AMPH: variants seen among roughly 807,000 people sequenced by gnomAD.
The protein encoded by AMPH is amphiphysin (Stiff-Mann syndrome with breast cancer 128kD autoantigen).
Under a neutral mutation model 99.1 loss-of-function variants are expected in AMPH, and 49 were observed. That is an observed-to-expected ratio of 0.49 (90% CI 0.39 to 0.63). AMPH has a LOEUF of 0.63. Among genes scored for constraint, AMPH ranks in the 20% least tolerant of loss-of-function variants. The probability of loss-of-function intolerance (pLI) is 0.00; values close to 1 mark genes in which losing one functional copy is unlikely to be tolerated. For missense variants in AMPH, 759 were observed against 863.4 expected (o/e 0.88, Z 1.52); for synonymous variants, 314 against 317.3 (o/e 0.99, Z 0.11).
At chr7:38,423,701 A>G (rs1785677639) in intron 15 of AMPH, among the ~76,000 whole-genome samples, 1 of 152,216 alleles carries the variant, frequency 6.6e-6, no homozygotes, top group East Asian at 1.9e-4. Flanking sequence ...AATCAGTCCG[A>G]TTTGTTCCTT....
chr7:38,543,962 T>C (rs967446391), intron 1 of AMPH, among the ~76,000 whole-genome samples: 1 of 152,212 alleles, frequency 6.6e-6, no homozygotes, highest in Admixed American at 6.5e-5. Context: ...CAATGATTAA[T>C]TTTTTACTCA....
chr7:38,577,468 C>A (rs560956917), intron 1 of AMPH, among the ~76,000 whole-genome samples: 33 of 152,302 alleles, frequency 2.2e-4, no homozygotes, highest in African/African-American at 7.5e-4. Flanking sequence ...TATTCCCTTG[C>A]GAGTTTGATT....
chr7:38,385,324 C>T (rs1784322243), intron 20 of AMPH, among the ~76,000 whole-genome samples: 1 of 152,120 alleles, frequency 6.6e-6, no homozygotes, highest in South Asian at 2.1e-4. Flanking sequence ...AAGAGCATGA[C>T]CTGTTCTGGG....
intron 5 of AMPH, 80 bp from the exon 6 acceptor site, chr7:38,477,049 T>G (rs1788113831): frequency 8.0e-7 from 1 of 1,247,288 alleles, no homozygotes; most frequent in African/African-American, 1.5e-5. Context: ...CCAAAATGCT[T>G]TCCTTGGCCA....
intron 1 of AMPH, among the ~76,000 whole-genome samples, chr7:38,572,564 G>A (rs1262828062): frequency 3.3e-5 from 5 of 152,300 alleles, no homozygotes; most frequent in African/African-American, 1.2e-4. Context: ...GTGGAAGGCT[G>A]TTCCCATATC....
intron 20 of AMPH, among the ~76,000 whole-genome samples, chr7:38,387,203 T>C (rs1308685232): frequency 2.0e-5 from 3 of 152,258 alleles, no homozygotes; most frequent in Non-Finnish European, 4.4e-5. Flanking sequence ...TTACCACGTA[T>C]GGTCTACCTA....
intron 1 of AMPH, among the ~76,000 whole-genome samples, chr7:38,607,536 T>G (rs1793476331): frequency 6.6e-6 from 1 of 152,170 alleles, no homozygotes; most frequent in African/African-American, 2.4e-5. Flanking sequence ...GACAGACCCC[T>G]TCAGGGACCT....
At chr7:38,503,787 C>A in intron 2 of AMPH, 83 bp from the exon 3 acceptor site, 1 of 1,380,312 alleles carries the variant, frequency 7.2e-7, no homozygotes. Context: ...CTCAAAGTTA[C>A]TATTGCCAGA....
intron 20 of AMPH, among the ~76,000 whole-genome samples, chr7:38,385,351 G>C (rs762998311): frequency 3.7e-4 from 56 of 152,114 alleles, no homozygotes; most frequent in Non-Finnish European, 1.6e-4. Flanking sequence ...GTGTAAAAAA[G>C]GTTTGAGGTT....
intron 1 of AMPH, among the ~76,000 whole-genome samples, chr7:38,583,268 T>C (rs962220377): frequency 1.2e-4 from 18 of 152,222 alleles, no homozygotes; most frequent in Admixed American, 9.2e-4. Context: ...GGCAACATAC[T>C]TGACACCTCT....
chr7:38,627,516 G>T (rs571911369), intron 1 of AMPH, among the ~76,000 whole-genome samples: 13 of 151,638 alleles, frequency 8.6e-5, no homozygotes, highest in Admixed American at 3.9e-4. Context: ...TTAGCCAAGC[G>T]TGGTGGTGGG....
intron 15 of AMPH, among the ~76,000 whole-genome samples, chr7:38,425,469 C>A (rs531391012): frequency 1.7e-4 from 26 of 152,264 alleles, no homozygotes; most frequent in South Asian, 4.1e-4. Flanking sequence ...ATAAATTAGA[C>A]CCACAATTTT....
intron 2 of AMPH, among the ~76,000 whole-genome samples, chr7:38,519,810 G>A (rs961823825): frequency 3.3e-5 from 5 of 152,084 alleles, no homozygotes; most frequent in Non-Finnish European, 5.9e-5. Context: ...AAAGAGGGGT[G>A]TTGACAAATG....
At chr7:38,485,787 CAATAA>C (rs1238610314) in intron 5 of AMPH, among the ~76,000 whole-genome samples, 7 of 151,710 alleles carry the variant, frequency 4.6e-5, no homozygotes, top group Admixed American at 3.3e-4. Context: ...TTTCCAACCA[CAATAA>C]AATAAACTAG....
chr7:38,624,822 A>T (rs1363759112), intron 1 of AMPH, among the ~76,000 whole-genome samples: 2 of 152,192 alleles, frequency 1.3e-5, no homozygotes, highest in African/African-American at 2.4e-5. Flanking sequence ...GGAATAAAAA[A>T]TTATGAACAT....
At chr7:38,521,301 C>A (rs1789948365) in intron 2 of AMPH, among the ~76,000 whole-genome samples, 1 of 152,162 alleles carries the variant, frequency 6.6e-6, no homozygotes, top group African/African-American at 2.4e-5. Context: ...CAGGTCGAAT[C>A]AGTTAAGGTC....
intron 17 of AMPH, 141 bp from the exon 18 acceptor site, chr7:38,394,355 A>G (rs1307639468): frequency 7.1e-6 from 6 of 849,388 alleles, no homozygotes; most frequent in Non-Finnish European, 9.0e-6. Context: ...ATTTAGGTAC[A>G]GCAGAATCTG....
chr7:38,456,514 T>C (rs530127958), intron 11 of AMPH, among the ~76,000 whole-genome samples: 3 of 152,278 alleles, frequency 2.0e-5, no homozygotes, highest in Admixed American at 2.0e-4. Flanking sequence ...ATATTCCTCC[T>C]GGGTCTGAGA....
chr7:38,445,861 T>C (rs1223470713), intron 11 of AMPH, among the ~76,000 whole-genome samples: 5 of 152,090 alleles, frequency 3.3e-5, no homozygotes, highest in African/African-American at 1.2e-4. Context: ...TCATGAATGG[T>C]TTAGCACCAT....
Sources: gnomAD v4.1 joint callset for allele counts (sites outside exome capture counted in the v4.1 genomes callset) on GRCh38, gnomAD v4.1.1 for gene constraint, MANE v1.5 for transcripts, NCBI Gene and HGNC (gene_info 2026-07-23, HGNC 2026-07-21) for gene names.